TBCD: variants seen among roughly 807,000 people sequenced by gnomAD.
The protein encoded by TBCD is tubulin-specific chaperone D.
TBCD carries 105 observed loss-of-function variants against 169.3 expected under a neutral mutation model. The ratio of observed to expected loss-of-function variants is 0.62; its 90% confidence interval spans 0.53 to 0.73. The LOEUF is 0.73. Among genes scored for constraint, TBCD ranks in the 30% least tolerant of loss-of-function variants. TBCD has a pLI of 0.00. For synonymous variants in TBCD, 700 were observed against 643.9 expected (o/e 1.09, Z -1.32); for missense variants, 1,444 against 1,600.1 (o/e 0.90, Z 1.66).
chr17:82,755,939 T>C (rs1404292014), intron 1 of TBCD, among the ~76,000 whole-genome samples: 10 of 152,158 alleles, frequency 6.6e-5, no homozygotes, highest in Admixed American at 3.3e-4. Flanking sequence ...GCAAGTAAAC[T>C]GCACGAGGCT....
chr17:82,828,143 A>G (rs2053072193), intron 13 of TBCD, among the ~76,000 whole-genome samples: 2 of 131,636 alleles, frequency 1.5e-5, no homozygotes, highest in South Asian at 5.6e-4. Context: ...TTGAATGTGC[A>G]TACACCCACA....
intron 23 of TBCD, among the ~76,000 whole-genome samples, chr17:82,917,800 T>G (rs895632217): frequency 6.6e-6 from 1 of 152,228 alleles, no homozygotes; most frequent in African/African-American, 2.4e-5. Flanking sequence ...TCCTGCTAGC[T>G]GGAGATGCTC....
At chr17:82,838,139 C>G (rs1288909916) in intron 13 of TBCD, among the ~76,000 whole-genome samples, 1 of 152,222 alleles carries the variant, frequency 6.6e-6, no homozygotes, top group Non-Finnish European at 1.5e-5. Context: ...CCCACACAGA[C>G]AGTGCTTTGA....
At chr17:82,871,780 G>A (rs897299201) in intron 14 of TBCD, among the ~76,000 whole-genome samples, 5 of 152,170 alleles carry the variant, frequency 3.3e-5, no homozygotes, top group Non-Finnish European at 7.4e-5. Context: ...CGGGGCCAGC[G>A]TTGGCCTGGG....
intron 8 of TBCD, among the ~76,000 whole-genome samples, chr17:82,799,097 G>A (rs1259904699): frequency 6.6e-6 from 1 of 152,180 alleles, no homozygotes; most frequent in African/African-American, 2.4e-5. Flanking sequence ...TTTTCTCCAC[G>A]CAGAGGTTTA....
chr17:82,814,950 A>G lies in TBCD; in HGVS notation c.1318+16A>G. On this transcript the variant is annotated intron_variant, in intron 13 of 38. Coordinates refer to ENST00000355528, the MANE Select transcript of TBCD (RefSeq NM_005993.5). ...CTCGTGGATGGTGAGTAGCTGAGGCACGGTCAGGGGGGATGTCTGGCGCTG... is the reference window on the plus strand; with the variant it reads ...CTCGTGGATGGTGAGTAGCTGAGGCGCGGTCAGGGGGGATGTCTGGCGCTG... 1 of 1,608,220 alleles carries G rather than the reference A, an allele frequency of 6.2e-7. No individual in the cohort carries two copies. The highest frequency in any genetic ancestry group is 8.5e-7 in the Non-Finnish European group (1 of 1,178,282).
At chr17:82,846,683 C>T (rs2055150026) in intron 13 of TBCD, among the ~76,000 whole-genome samples, 1 of 152,216 alleles carries the variant, frequency 6.6e-6, no homozygotes, top group African/African-American at 2.4e-5. Context: ...ACCTCTCTGC[C>T]CCCGTCACCT....
rs898958249 is a variant in TBCD, at chr17:82,903,303, G to A, written c.1731-102G>A. 4 of 1,128,724 alleles carry A rather than the reference G, an allele frequency of 3.5e-6. No individual in the cohort carries two copies. The African/African-American group carries it at 4.6e-5, about 13-fold the overall frequency. 69.9% of individuals were successfully genotyped at this position (1,128,724 alleles called of 1,614,324 possible). ...TGAGTGAGCCTCTGCTAAGTGGCCG[G>A]TTGAGGACTCGTGTGTTGTCTCCCT... On this transcript the variant is annotated intron_variant, in intron 18 of 38. Coordinates refer to ENST00000355528, the MANE Select transcript of TBCD (RefSeq NM_005993.5). The surrounding 1 kb of genome is among the most constrained non-coding windows in gnomAD (Gnocchi z 4.8).
chr17:82,904,820 C>G (rs1308744012), intron 19 of TBCD, among the ~76,000 whole-genome samples: 2 of 152,124 alleles, frequency 1.3e-5, no homozygotes, highest in African/African-American at 4.8e-5. Flanking sequence ...TTTAGTGTGG[C>G]GCTCCCCTAC....
At chr17:82,856,940 G>A (rs2056354963) in intron 13 of TBCD, among the ~76,000 whole-genome samples, 1 of 143,732 alleles carries the variant, frequency 7.0e-6, no homozygotes, top group Admixed American at 6.7e-5. Context: ...CGCATCCAGG[G>A]CGGGATCGCT....
chr17:82,848,731 C>T (rs938451243), intron 13 of TBCD, among the ~76,000 whole-genome samples: 7 of 152,192 alleles, frequency 4.6e-5, no homozygotes, highest in Non-Finnish European at 1.0e-4. Flanking sequence ...TAGATGCGAA[C>T]AGACAAAAGG....
chr17:82,813,195 C>A (rs1208144299), intron 12 of TBCD, among the ~76,000 whole-genome samples: 1 of 152,140 alleles, frequency 6.6e-6, no homozygotes, highest in East Asian at 1.9e-4. Context: ...TCTTTGAGGT[C>A]ATTTTACATT....
intron 17 of TBCD, among the ~76,000 whole-genome samples, chr17:82,899,924 T>C (rs1208729218): frequency 6.6e-6 from 1 of 152,242 alleles, no homozygotes; most frequent in Non-Finnish European, 1.5e-5. Flanking sequence ...TTTTGTGATG[T>C]TTATGTACAA....
chr17:82,771,767 C>G (rs2048322854), intron 5 of TBCD, among the ~76,000 whole-genome samples: 1 of 151,966 alleles, frequency 6.6e-6, no homozygotes, highest in East Asian at 1.9e-4. Flanking sequence ...GGTGACAGAG[C>G]GAGACCCGGT....
At chr17:82,803,928 G>A (rs1330710012) in intron 9 of TBCD, among the ~76,000 whole-genome samples, 2 of 148,918 alleles carry the variant, frequency 1.3e-5, no homozygotes, top group Non-Finnish European at 3.0e-5. Flanking sequence ...TGGGGGCTGA[G>A]GTGCACCTGC....
chr17:82,823,964 C>T (rs2052619825), intron 13 of TBCD, among the ~76,000 whole-genome samples: 1 of 151,958 alleles, frequency 6.6e-6, no homozygotes, highest in South Asian at 2.1e-4. Context: ...TAACTCTAGT[C>T]TACTTTCTGC....
In TBCD at chr17:82,830,466, C is replaced by G. The variant is rs536556594; in HGVS notation, c.1318+15532C>G. On this transcript the variant is annotated intron_variant, in intron 13 of 38. Transcript: ENST00000355528. ...CCACCGCGCATGCGTCTGGAGCCTC[C>G]TCGCCGGGGCCTGTGGGTGGGGCCC... is the stretch of plus-strand genomic sequence containing the variant. 6 of 1,612,706 alleles carry G rather than the reference C, an allele frequency of 3.7e-6. No homozygotes were observed. In the East Asian group the frequency reaches 1.3e-4, roughly 36 times the overall value.
At chr17:82,842,315 C>G (rs2054587191) in intron 13 of TBCD, among the ~76,000 whole-genome samples, 1 of 152,210 alleles carries the variant, frequency 6.6e-6, no homozygotes, top group Non-Finnish European at 1.5e-5. Context: ...GGAGCTTATC[C>G]CAGCGCCTGG....
intron 13 of TBCD, among the ~76,000 whole-genome samples, chr17:82,850,386 T>TCCTGTTGTTG (rs1172941736): frequency 6.6e-6 from 1 of 151,038 alleles, no homozygotes; most frequent in African/African-American, 2.5e-5. Flanking sequence ...TTGTTGGCTG[T>TCCTGTTGTTG]GCTGTTGTTG....
Sources: allele counts gnomAD v4.1 joint callset (sites outside exome capture counted in the v4.1 genomes callset), GRCh38; gene constraint gnomAD v4.1.1; non-coding constraint Gnocchi (gnomAD v3.1); transcripts MANE v1.5; gene names NCBI Gene and HGNC (gene_info 2026-07-23, HGNC 2026-07-21).